Variants in PRH1 observed in about 807,000 individuals in gnomAD.
The protein encoded by PRH1 is salivary acidic proline-rich phosphoprotein 1/2.
PRH1 carries 7 observed loss-of-function variants against 7.9 expected under a neutral mutation model. The observed-to-expected ratio is 0.89, with a 90% CI of 0.50 to 1.67. The LOEUF (loss-of-function observed/expected upper bound fraction) is 1.67, where lower values mean the gene tolerates loss of function less well. Ranked by LOEUF, PRH1 falls within the 40% of genes most tolerant of loss-of-function variation. The probability of loss-of-function intolerance (pLI) is 0.00; values close to 1 mark genes in which losing one functional copy is unlikely to be tolerated. For synonymous variants in PRH1, 45 were observed against 80.8 expected (o/e 0.56, Z 2.38); for missense variants, 109 against 223.6 (o/e 0.49, Z 3.27).
chr12:11,144,579 G>A (rs770460195), intron 1 of PRH1, among the ~76,000 whole-genome samples: 4 of 152,184 alleles, frequency 2.6e-5, no homozygotes, highest in Admixed American at 6.5e-5. Context: ...CTGCATGCCC[G>A]ATTCACATCC....
At chr12:10,955,783 C>T (rs1354982318) in intron 2 of PRH1, among the ~76,000 whole-genome samples, 1 of 152,032 alleles carries the variant, frequency 6.6e-6, no homozygotes. Flanking sequence ...ACAATCCTCC[C>T]AAACTACTGT....
chr12:11,122,992 C>A (rs192587041), intron 1 of PRH1, among the ~76,000 whole-genome samples: 5 of 151,628 alleles, frequency 3.3e-5, no homozygotes, highest in South Asian at 2.1e-4. Flanking sequence ...TTATAATGAT[C>A]TTTTTTTATT....
At chr12:10,892,499 G>A (rs1949588812) in intron 2 of PRH1, among the ~76,000 whole-genome samples, 1 of 120,530 alleles carries the variant, frequency 8.3e-6, no homozygotes, top group Non-Finnish European at 1.9e-5. Flanking sequence ...CACTGGAGCA[G>A]TTAGAAAGGA....
In PRH1 at chr12:11,093,830, C is replaced by T. The variant is rs1211422246; in HGVS notation, n.124-46642G>A. On this transcript the variant is annotated intron_variant and non_coding_transcript_variant, in intron 1 of 4. Coordinates refer to the PRH1 transcript ENST00000541977. ...CTCTTTCCATAGAGATTTGAGATGGCTTCCATACTGGGGATTCTTCCTCTT... is the reference window on the plus strand; with the variant it reads ...CTCTTTCCATAGAGATTTGAGATGGTTTCCATACTGGGGATTCTTCCTCTT... Among the ~76,000 whole-genome samples, 2 of 114,100 alleles carry T rather than the reference C, an allele frequency of 1.8e-5. 1 individual carries two copies. The highest frequency in any genetic ancestry group is 4.1e-5 in the Non-Finnish European group (2 of 48,396). The allele number at this position is 114,100 out of a possible 152,430, so 74.9% of individuals were successfully genotyped here.
chr12:11,074,800 T>C (rs1274800695), intron 1 of PRH1, among the ~76,000 whole-genome samples: 1 of 114,862 alleles, frequency 8.7e-6, no homozygotes, highest in African/African-American at 2.9e-5. Flanking sequence ...CAAAGGTAAA[T>C]AGAAAACAAA....
At chr12:10,942,294 G>A (rs1292086444) in intron 2 of PRH1, among the ~76,000 whole-genome samples, 1 of 152,138 alleles carries the variant, frequency 6.6e-6, no homozygotes, top group African/African-American at 2.4e-5. Context: ...AAGAGTTTAT[G>A]CCCTTTGTGC....
chr12:11,071,172 A>T (rs180875361), intron 1 of PRH1, among the ~76,000 whole-genome samples: 1 of 149,730 alleles, frequency 6.7e-6, no homozygotes, highest in South Asian at 2.1e-4. Context: ...GACCAAACAC[A>T]CCCACCACAG....
intron 1 of PRH1, among the ~76,000 whole-genome samples, chr12:10,994,028 T>C (rs1940076794): frequency 1.3e-5 from 2 of 152,216 alleles, no homozygotes; most frequent in African/African-American, 4.8e-5. Context: ...CACAAGACCC[T>C]GTGCAACAGT....
At chr12:11,031,558 G>T (rs538059514) in intron 1 of PRH1, among the ~76,000 whole-genome samples, 2 of 151,958 alleles carry the variant, frequency 1.3e-5, no homozygotes, top group African/African-American at 2.4e-5. Flanking sequence ...GGCGACCCAG[G>T]CAGGTTGCTG....
chr12:11,009,466 T>C (rs1287455593), intron 1 of PRH1, among the ~76,000 whole-genome samples: 1 of 151,982 alleles, frequency 6.6e-6, no homozygotes, highest in African/African-American at 2.4e-5. Context: ...TTCCCAAACA[T>C]TGCTTTTGCC....
intron 1 of PRH1, among the ~76,000 whole-genome samples, chr12:11,112,358 A>T (rs1013699723): frequency 2.0e-5 from 3 of 152,192 alleles, no homozygotes; most frequent in African/African-American, 7.2e-5. Context: ...AAAAAGAGAA[A>T]ATTTTAGGCC....
intron 1 of PRH1, among the ~76,000 whole-genome samples, chr12:10,989,217 T>TG (rs1355189760): frequency 2.6e-5 from 4 of 151,750 alleles, no homozygotes; most frequent in Admixed American, 2.0e-4. Flanking sequence ...TGTATGTTCC[T>TG]GTTCATGGCT....
intron 1 of PRH1, among the ~76,000 whole-genome samples, chr12:11,040,982 TA>T: frequency 6.6e-6 from 1 of 152,014 alleles, no homozygotes; most frequent in East Asian, 1.9e-4. Flanking sequence ...CAAGAAACTA[TA>T]TCATATCACC....
intron 1 of PRH1, among the ~76,000 whole-genome samples, chr12:10,988,625 G>T (rs1446887880): frequency 1.3e-5 from 2 of 151,888 alleles, no homozygotes; most frequent in African/African-American, 4.8e-5. Flanking sequence ...CTTAGAAATG[G>T]GTGAAAACTA....
chr12:11,132,725 T>C (rs970706250), intron 1 of PRH1, among the ~76,000 whole-genome samples: 2 of 152,204 alleles, frequency 1.3e-5, no homozygotes, highest in Non-Finnish European at 2.9e-5. Flanking sequence ...ATTGTGTTCA[T>C]TGTTTTGTAA....
At chr12:11,113,825 C>T (rs747446156) in intron 1 of PRH1, among the ~76,000 whole-genome samples, 4 of 151,398 alleles carry the variant, frequency 2.6e-5, no homozygotes, top group Admixed American at 6.6e-5. Context: ...ACAAACAACC[C>T]CATCAAAAAG....
intron 1 of PRH1, chr12:11,030,997 G>A: frequency 6.2e-7 from 1 of 1,614,292 alleles, no homozygotes; most frequent in Non-Finnish European, 8.5e-7. Flanking sequence ...TAAGGTTGGA[G>A]AAATTGGCAA....
chr12:10,940,525 T>C (rs1323972221), intron 2 of PRH1, among the ~76,000 whole-genome samples: 3 of 152,192 alleles, frequency 2.0e-5, no homozygotes, highest in Non-Finnish European at 4.4e-5. Context: ...AGAATTCTTA[T>C]TCTGTGCCTC....
intron 1 of PRH1, among the ~76,000 whole-genome samples, chr12:11,007,234 T>G (rs1940873320): frequency 6.6e-6 from 1 of 152,134 alleles, no homozygotes; most frequent in Non-Finnish European, 1.5e-5. Flanking sequence ...CCAATACGCC[T>G]TAAAATCAGG....
Sources: allele counts gnomAD v4.1 joint callset (sites outside exome capture counted in the v4.1 genomes callset), GRCh38; gene constraint gnomAD v4.1.1; transcripts MANE v1.5; gene names NCBI Gene and HGNC (gene_info 2026-07-23, HGNC 2026-07-21).